TEX11: variants seen among roughly 807,000 people sequenced by gnomAD.
TEX11 encodes testis expressed 11, also known as testis-expressed protein 11.
In TEX11, 7 loss-of-function variants were observed where a neutral mutation model predicts 84.4. The observed-to-expected ratio is 0.08, with a 90% CI of 0.05 to 0.16. The LOEUF (loss-of-function observed/expected upper bound fraction) is 0.16, where lower values mean the gene tolerates loss of function less well. Among genes scored for constraint, TEX11 ranks in the 10% least tolerant of loss-of-function variants. TEX11 has a pLI of 1.00. For synonymous variants in TEX11, 264 were observed against 222.8 expected (o/e 1.18, Z -1.64); for missense variants, 551 against 660.5 (o/e 0.83, Z 1.82).
At chrX:70,794,192 G>C (rs2091141767) in intron 9 of TEX11, among the ~76,000 whole-genome samples, 1 of 111,545 alleles carries the variant, frequency 9.0e-6, no homozygotes, top group Admixed American at 9.5e-5. Context: ...TGTGCGTTTG[G>C]GGGATAGAGA....
chrX:70,563,855 C>A (rs2088412080), intron 25 of TEX11, among the ~76,000 whole-genome samples: 1 of 112,488 alleles, frequency 8.9e-6, no homozygotes, highest in South Asian at 3.6e-4. Context: ...CAATATTGGT[C>A]ATGATGCAGT....
At chrX:70,727,709 T>C (rs1162907103) in intron 11 of TEX11, among the ~76,000 whole-genome samples, 2 of 111,149 alleles carry the variant, frequency 1.8e-5, no homozygotes, top group Admixed American at 1.9e-4. Flanking sequence ...CCCTCATGAA[T>C]GGGATAAGTG....
chrX:70,899,401 AATT>A (rs890319973), intron 2 of TEX11, among the ~76,000 whole-genome samples: 18 of 111,514 alleles, frequency 1.6e-4, no homozygotes, highest in African/African-American at 5.2e-4. Context: ...ATAGCATTAA[AATT>A]ATTATTATAT....
At chrX:70,799,562 T>C (rs1165012584) in intron 9 of TEX11, among the ~76,000 whole-genome samples, 1 of 112,012 alleles carries the variant, frequency 8.9e-6, no homozygotes, top group African/African-American at 3.2e-5. Flanking sequence ...CCCAAAAAAC[T>C]GTTGCTATGA....
chrX:70,740,116 T>C (rs2090723742), intron 11 of TEX11, among the ~76,000 whole-genome samples: 1 of 111,767 alleles, frequency 8.9e-6, no homozygotes, highest in Admixed American at 9.5e-5. Context: ...GAAAAGAAAA[T>C]TTTCTCAAAA....
chrX:70,614,892 A>G (rs763501581), intron 20 of TEX11, among the ~76,000 whole-genome samples: 37 of 111,301 alleles, frequency 3.3e-4, no homozygotes, highest in Non-Finnish European at 5.5e-4. Flanking sequence ...GAAGAGAACA[A>G]GAGTTTCTGC....
chrX:70,722,529 C>G (rs1287360737), intron 13 of TEX11, 89 bp downstream of exon 13: 4 of 718,545 alleles, frequency 5.6e-6, no homozygotes, highest in Non-Finnish European at 8.5e-6. Context: ...CCCGCCTCAG[C>G]CTCTCCAAGT....
At chrX:70,778,465 A>C (rs2091015257) in intron 9 of TEX11, among the ~76,000 whole-genome samples, 1 of 111,058 alleles carries the variant, frequency 9.0e-6, no homozygotes, top group Non-Finnish European at 1.9e-5. Context: ...CAACAACAAC[A>C]ACAACAAAAA....
rs369502144 is a variant in TEX11, at chrX:70,694,585, C to G, written c.1005-11760G>C. ...CAGGATGTGGAGAAACTGAAACTCT[C>G]AAACACTGCTGGTAGGAATGTTAAA... On this transcript the variant is annotated intron_variant, in intron 13 of 29. Coordinates refer to ENST00000374333, the MANE Select transcript of TEX11 (RefSeq NM_031276.3). Among the ~76,000 whole-genome samples the G allele has an allele frequency of 4.5e-5, 5 of 112,076 alleles. No individual in the cohort carries two copies. The East Asian group carries it at 1.4e-3, about 31-fold the overall frequency.
intron 8 of TEX11, among the ~76,000 whole-genome samples, chrX:70,825,884 G>A (rs934772184): frequency 6.3e-5 from 7 of 111,261 alleles, no homozygotes; most frequent in Non-Finnish European, 9.4e-5. Context: ...AGACTGAGGT[G>A]AGAGAATGGC....
the TEX11 span, among the ~76,000 whole-genome samples, chrX:70,517,284 G>A: frequency 8.9e-6 from 1 of 111,842 alleles, no homozygotes. Flanking sequence ...TTATTATTTT[G>A]AGATACGTTC....
intron 2 of TEX11, among the ~76,000 whole-genome samples, chrX:70,898,478 G>C (rs1434183608): frequency 8.9e-6 from 1 of 112,205 alleles, no homozygotes; most frequent in Non-Finnish European, 1.9e-5. Context: ...ACAAGCATAA[G>C]CAGTTATGTA....
intron 20 of TEX11, among the ~76,000 whole-genome samples, chrX:70,619,225 C>T (rs1364496462): frequency 8.9e-6 from 1 of 111,789 alleles, no homozygotes; most frequent in South Asian, 3.8e-4. Flanking sequence ...AAGCAAGAAA[C>T]CTAACTATAT....
At chrX:70,871,870 C>A (rs2091631192) in intron 4 of TEX11, among the ~76,000 whole-genome samples, 1 of 105,566 alleles carries the variant, frequency 9.5e-6, no homozygotes, top group African/African-American at 3.5e-5. Flanking sequence ...TAGTATTTTT[C>A]CTCTTACAGC....
In TEX11 at chrX:70,852,984, T is replaced by C. The variant is rs993063619; in HGVS notation, c.525+50A>G. 3.4e-6 allele frequency: 4 copies of C among 1,168,527 alleles called. No homozygotes were observed. The African/African-American group carries it at 5.3e-5, about 16-fold the overall frequency. On this transcript the variant is annotated intron_variant, in intron 7 of 29. Coordinates refer to ENST00000374333, the MANE Select transcript of TEX11 (RefSeq NM_031276.3). ...GGCTATATATCATCACTTTTACTTT[T>C]ACATATGGAAAATGCCCCACTGGAA...
chrX:70,725,657 G>T (rs758108430), intron 11 of TEX11, among the ~76,000 whole-genome samples: 3 of 111,850 alleles, frequency 2.7e-5, no homozygotes, highest in Non-Finnish European at 5.7e-5. Flanking sequence ...CCACAAACCG[G>T]CTAGTTTTAT....
At chrX:70,618,911 T>C (rs1173532307) in intron 20 of TEX11, among the ~76,000 whole-genome samples, 1 of 110,718 alleles carries the variant, frequency 9.0e-6, no homozygotes, top group East Asian at 2.8e-4. Flanking sequence ...GGGGCAGACA[T>C]AGGGATGAAG....
chrX:70,761,687 ATGT>A (rs2090909928), intron 9 of TEX11, among the ~76,000 whole-genome samples: 1 of 112,107 alleles, frequency 8.9e-6, no homozygotes, highest in African/African-American at 3.2e-5. Flanking sequence ...ACAAACCTGC[ATGT>A]TGTTCACATG....
chrX:70,543,350 C>A (rs1451843306), intron 28 of TEX11, among the ~76,000 whole-genome samples: 1 of 111,355 alleles, frequency 9.0e-6, no homozygotes, highest in Non-Finnish European at 1.9e-5. Context: ...TAACAGGTAA[C>A]CCAAGAGCCA....
Sources: allele counts gnomAD v4.1 joint callset (sites outside exome capture counted in the v4.1 genomes callset), GRCh38; gene constraint gnomAD v4.1.1; transcripts MANE v1.5; gene names NCBI Gene and HGNC (gene_info 2026-07-23, HGNC 2026-07-21).